TARS2: variants seen among roughly 807,000 people sequenced by gnomAD.
The protein encoded by TARS2 is threonyl-tRNA synthetase 2, mitochondrial.
Under a neutral mutation model 94.4 loss-of-function variants are expected in TARS2, and 61 were observed. The ratio of observed to expected loss-of-function variants is 0.65; its 90% CI spans 0.53 to 0.80. The LOEUF is 0.80. Among genes scored for constraint, TARS2 ranks in the 30% least tolerant of loss-of-function variants. TARS2 has a pLI of 0.00. For missense variants in TARS2, 704 were observed against 902.5 expected (o/e 0.78, Z 2.82); for synonymous variants, 359 against 353.4 (o/e 1.02, Z -0.18).
chr1:150,507,284 A>C lies in TARS2; in HGVS notation c.*220A>C. The C allele has an allele frequency of 3.6e-6, 2 of 563,186 alleles. No individual in the cohort carries two copies. The highest frequency in any genetic ancestry group is 3.4e-5 in the East Asian group (1 of 29,434). 34.9% of individuals were successfully genotyped at this position (563,186 alleles called of 1,614,324 possible). On this transcript the variant is annotated 3_prime_UTR_variant, in exon 18 of 18. Transcript: ENST00000369064. ...AGAATGAAACTACAAAAAAAAATAA[A>C]TTGGGCCAGGCGCAGTGGCTCATGC...
intron 17 of TARS2, 25 bp from the exon 18 acceptor site, chr1:150,506,891 G>A: frequency 6.2e-7 from 1 of 1,613,078 alleles, no homozygotes; most frequent in Non-Finnish European, 8.5e-7. Context: ...TTGCCCTGAG[G>A]TTCCCAAACT....
intron 13 of TARS2, among the ~76,000 whole-genome samples, chr1:150,499,555 G>A (rs587626995): frequency 6.6e-6 from 1 of 151,836 alleles, no homozygotes; most frequent in East Asian, 1.9e-4. Context: ...TAATAGAGAT[G>A]GGGTTTCGCC....
In TARS2 at chr1:150,490,726, G is replaced by A. The variant is rs769650841; in HGVS notation, c.512+1G>A. ...ATGATTTCTTCCTGGGAAAGGAGAG[G>A]TGAGTAATGAAAGGAAGGAGGAGAA... On this transcript the variant is annotated splice_donor_variant, in intron 4 of 17. Coordinates refer to ENST00000369064, the MANE Select transcript of TARS2 (RefSeq NM_025150.5). LOFTEE classifies it high-confidence loss of function. 6.2e-7 allele frequency: 1 copy of A among 1,613,654 alleles called. No individual in the cohort carries two copies. Among genetic ancestry groups the A allele is most frequent in the Non-Finnish European group, 8.5e-7 (1 of 1,179,928 alleles).
chr1:150,506,476 ACACG>A (rs1206160280), intron 17 of TARS2, among the ~76,000 whole-genome samples: 2 of 41,630 alleles, frequency 4.8e-5, no homozygotes, highest in African/African-American at 1.5e-4. Context: ...CCCCCTTCAG[ACACG>A]CGCGCGCACA....
chr1:150,494,411 T>C (rs1462077379), intron 7 of TARS2, among the ~76,000 whole-genome samples: 1 of 147,346 alleles, frequency 6.8e-6, no homozygotes, highest in East Asian at 2.0e-4. Context: ...AACCAACTAA[T>C]TCAGGAAAAA....
At chr1:150,490,747 G>A (rs1157663914) in intron 4 of TARS2, 22 bp downstream of exon 4, 2 of 1,612,850 alleles carry the variant, frequency 1.2e-6, no homozygotes, top group African/African-American at 2.7e-5. Context: ...AAGGAAGGAG[G>A]AGAATGATTC....
intron 16 of TARS2, 33 bp downstream of exon 16, chr1:150,505,011 C>T (rs1202105670): frequency 1.9e-6 from 3 of 1,610,350 alleles, no homozygotes; most frequent in Non-Finnish European, 2.5e-6. Flanking sequence ...GGGGCAGAAG[C>T]AGGTCCAGTA....
intron 4 of TARS2, 52 bp downstream of exon 4, chr1:150,490,777 C>CT: frequency 6.2e-7 from 1 of 1,610,152 alleles, no homozygotes; most frequent in Non-Finnish European, 8.5e-7. Context: ...TTCTGAGGCT[C>CT]TTTTCAGGGG....
In TARS2 at chr1:150,493,582, C is replaced by A. The variant is rs960387118; in HGVS notation, c.774+1093C>A. 2.6e-5 allele frequency among the ~76,000 whole-genome samples: 4 copies of A among 151,482 alleles called. No individual in the cohort carries two copies. In the East Asian group the frequency reaches 5.9e-4, roughly 22 times the overall value. On this transcript the variant is annotated intron_variant, in intron 7 of 17. Coordinates refer to ENST00000369064, the MANE Select transcript of TARS2 (RefSeq NM_025150.5). ...CGGCCTGACCAACATGGAGAAACCC[C>A]GTCTCTACTAAAAATACAAAATTAA...
chr1:150,489,470 G>C (rs779748779), intron 3 of TARS2, among the ~76,000 whole-genome samples: 2 of 152,084 alleles, frequency 1.3e-5, no homozygotes, highest in Non-Finnish European at 2.9e-5. Flanking sequence ...TCTTCTTCAT[G>C]TCAGCTCAGG....
In TARS2 at chr1:150,488,088, C is replaced by T. The variant is rs1380319719; in HGVS notation, c.263+34C>T. The T allele has an allele frequency of 3.1e-6, 5 of 1,599,514 alleles. 1 individual carries two copies. In the South Asian group the frequency reaches 4.5e-5, roughly 14 times the overall value. On this transcript the variant is annotated intron_variant, in intron 2 of 17. Coordinates refer to ENST00000369064, the MANE Select transcript of TARS2 (RefSeq NM_025150.5). ...CCCATCCTGTAACTACCAGGATTAT[C>T]CTTCTGCCCCTTTACTTTCTCTTCA...
intron 7 of TARS2, among the ~76,000 whole-genome samples, chr1:150,495,983 G>A (rs940129904): frequency 7.2e-5 from 11 of 152,194 alleles, no homozygotes; most frequent in Admixed American, 6.5e-4. Context: ...GCCTCCCAAA[G>A]TGCTGGGATT....
At chr1:150,501,440 C>G (rs1321058427) in intron 13 of TARS2, among the ~76,000 whole-genome samples, 1 of 149,206 alleles carries the variant, frequency 6.7e-6, no homozygotes, top group African/African-American at 2.5e-5. Context: ...GTCTCAGCCT[C>G]CCGAGTAGCT....
chr1:150,499,161 T>C, intron 12 of TARS2, 55 bp from the exon 13 acceptor site: 1 of 1,610,896 alleles, frequency 6.2e-7, no homozygotes, highest in Non-Finnish European at 8.5e-7. Flanking sequence ...TGACCGGATG[T>C]GTTGCTTTTG....
intron 15 of TARS2, 65 bp from the exon 16 acceptor site, chr1:150,504,841 T>C: frequency 6.2e-7 from 1 of 1,608,600 alleles, no homozygotes; most frequent in Non-Finnish European, 8.5e-7. Flanking sequence ...GTCTGCTCCA[T>C]ACAAGCACAC....
At chr1:150,503,611 ATATATATG>A (rs1207701896) in intron 13 of TARS2, among the ~76,000 whole-genome samples, 168 of 83,702 alleles carry the variant, frequency 2.0e-3, no homozygotes, top group African/African-American at 7.1e-3. Context: ...GTATGTGTGT[ATATATATG>A]TGTGTGTATA....
chr1:150,488,912 T>G, intron 2 of TARS2, 52 bp from the exon 3 acceptor site: 1 of 1,585,942 alleles, frequency 6.3e-7, no homozygotes, highest in South Asian at 1.1e-5. Context: ...ATTTTCCTTT[T>G]TGTGCCTTGT....
intron 6 of TARS2, 198 bp downstream of exon 6, chr1:150,491,860 T>A: frequency 1.8e-6 from 1 of 552,188 alleles, no homozygotes; most frequent in Non-Finnish European, 3.2e-6. Context: ...GGTAGCACGA[T>A]CTCGGCTCAC....
Position 150,491,405 on chromosome 1 carries a change from G to C in TARS2, c.524G>C (p.Gly175Ala), listed in dbSNP as rs775732635. The change falls in exon 5 of 18, where the codon GGC becomes GCC. Residue 175 changes from glycine to alanine, a missense_variant. Gly to Ala is a moderately conservative substitution (Grantham distance 60). This residue lies in a region of TARS2 where 208 missense variants were observed against 228.5 expected (regional missense o/e 0.91). Transcript: ENST00000369064. ...TCTCCTCTTTCCAGGACAATCCGGG[G>C]CTCAGAGCTGCCTGTTTTGGAGCGG... Reference protein sequence around the residue: ...FFLGKERTIRGSELPVLERIC... With the variant: ...FFLGKERTIRASELPVLERIC... 2.0e-5 allele frequency: 32 copies of C among 1,612,764 alleles called. No homozygotes were observed. Among genetic ancestry groups the C allele is most frequent in the Non-Finnish European group, 2.5e-5 (30 of 1,180,042 alleles).
Sources: allele counts gnomAD v4.1 joint callset (sites outside exome capture counted in the v4.1 genomes callset), GRCh38; gene constraint gnomAD v4.1.1; regional missense constraint gnomAD v4.1.1; transcripts MANE v1.5; gene names NCBI Gene and HGNC (gene_info 2026-07-23, HGNC 2026-07-21).